The following FRYL variants were observed in gnomAD, a reference collection of about 807,000 sequenced individuals.
FRYL encodes FRY like transcription coactivator, also known as protein furry homolog-like.
Under a neutral mutation model 351.2 loss-of-function variants are expected in FRYL, and 150 were observed. The observed-to-expected ratio is 0.43, with a 90% CI of 0.37 to 0.49. FRYL has a LOEUF of 0.49. Ranked by LOEUF, FRYL falls within the 20% of genes least tolerant of loss-of-function variation. The probability of loss-of-function intolerance (pLI) is 0.00; values close to 1 mark genes in which losing one functional copy is unlikely to be tolerated. For missense variants in FRYL, 3,036 were observed against 3,619.3 expected (o/e 0.84, Z 4.13); for synonymous variants, 1,153 against 1,257.1 (o/e 0.92, Z 1.75).
At chr4:48,626,298 G>C (rs1751808116) in intron 4 of FRYL, among the ~76,000 whole-genome samples, 1 of 151,208 alleles carries the variant, frequency 6.6e-6, no homozygotes, top group African/African-American at 2.5e-5. Flanking sequence ...GTATGCATAT[G>C]TTTATATTTA....
At position 48,581,476 on chromosome 4, in the gene FRYL, C is replaced by T; in HGVS notation, c.2116G>A (p.Ala706Thr). 7 of 1,613,896 alleles carry T rather than the reference C, an allele frequency of 4.3e-6. No homozygotes were observed. Among genetic ancestry groups the T allele is most frequent in the Non-Finnish European group, 5.9e-6 (7 of 1,179,912 alleles). Residue 706 changes from alanine to threonine, a missense_variant, in exon 21 of 64, where the codon GCC (alanine) becomes ACC (threonine). By Grantham distance (58) the Ala-to-Thr change is moderately conservative. Coordinates refer to ENST00000358350, the MANE Select transcript of FRYL (RefSeq NM_015030.2). Reference protein sequence around the residue: ...CSSRPATRRLAVSVLREIRAL... With the variant: ...CSSRPATRRLTVSVLREIRAL... ...CGTATTTCTCTAAGGACACTGACGG[C>T]TAGTCTCCTAGTGGCAGGTCGACTG...
chr4:48,622,635 A>G (rs1750899244), intron 5 of FRYL, among the ~76,000 whole-genome samples: 1 of 152,180 alleles, frequency 6.6e-6, no homozygotes, highest in South Asian at 2.1e-4. Context: ...AAGCTAATTT[A>G]AATTACTGGT....
rs781592179 is a variant in FRYL at position 48,564,043 on chromosome 4, G to A, written c.3501C>T (p.Ser1167=). ...GGTCCACAGCCCAGTACATCAGGTT[G>A]CTCTGATCAGGGTTCAGCTCCAGTA... ...TLLLELNPDQ[S]NLMYWAVDRC... Residue 1167 remains serine (S), a synonymous_variant, in exon 31 of 64, where the codon AGC becomes AGT. Transcript: ENST00000358350. The A allele has an allele frequency of 1.9e-6, 3 of 1,614,168 alleles. No homozygotes were observed. In the South Asian group the frequency reaches 3.3e-5, roughly 18 times the overall value.
At chr4:48,670,894 G>A (rs1279733324) in intron 3 of FRYL, among the ~76,000 whole-genome samples, 1 of 152,172 alleles carries the variant, frequency 6.6e-6, no homozygotes, top group Admixed American at 6.5e-5. Context: ...TGTGAATAGT[G>A]CTGCAATAAA....
rs534003125 is a variant in FRYL at position 48,614,983 on chromosome 4, C to A, written c.411+4291G>T. Among the ~76,000 whole-genome samples, 3 of 151,778 alleles carry A rather than the reference C, an allele frequency of 2.0e-5. No individual in the cohort carries two copies. In the South Asian group the frequency reaches 6.2e-4, roughly 32 times the overall value. On this transcript the variant is annotated intron_variant, in intron 7 of 63. Coordinates refer to ENST00000358350, the MANE Select transcript of FRYL (RefSeq NM_015030.2). ...CTGGGACTACAGGCGCCCGCCAACA[C>A]GCCCGGCTAATTTTTTGTATTTTTA...
chr4:48,736,850 G>GAAAAAAAAAAAAAAAAAAA (rs368006420), intron 1 of FRYL, among the ~76,000 whole-genome samples: 29 of 40,570 alleles, frequency 7.1e-4, no homozygotes, highest in Non-Finnish European at 9.7e-4. Flanking sequence ...ACTCTGTCTC[G>GAAAAAAAAAAAAAAAAAAA]AAAAAAAAAA....
At chr4:48,520,075 C>T (rs1724580833) in intron 55 of FRYL, among the ~76,000 whole-genome samples, 1 of 152,170 alleles carries the variant, frequency 6.6e-6, no homozygotes, top group South Asian at 2.1e-4. Flanking sequence ...TAATAGACAG[C>T]AAGAGAACGT....
rs1052457034 is a variant in FRYL at position 48,565,709 on chromosome 4, T to C, written c.3170-18A>G. 8 of 1,599,824 alleles carry C rather than the reference T, an allele frequency of 5.0e-6. No individual in the cohort carries two copies. The African/African-American group carries it at 5.4e-5, about 11-fold the overall frequency. ...CTGGTGCACTGTGAATAAAAAAAGA[T>C]AGAAAACATTTATTTCCATTTCTTT... is the stretch of plus-strand genomic sequence containing the variant. On this transcript the variant is annotated intron_variant, in intron 28 of 63. Transcript: ENST00000358350.
chr4:48,564,110 A>G lies in FRYL; in HGVS notation c.3442-8T>C. On this transcript the variant is annotated splice_region_variant and splice_polypyrimidine_tract_variant and intron_variant, in intron 30 of 63. Transcript: ENST00000358350. ...ACAGCCCAGCTGGTGAACCTAGGTA[A>G]AGGTTGTGAAATTGCCCGAGAGAGA... 1.2e-6 allele frequency: 2 copies of G among 1,611,832 alleles called. No individual in the cohort carries two copies. The highest frequency in any genetic ancestry group is 1.7e-6 in the Non-Finnish European group (2 of 1,179,388).
At chr4:48,505,373 T>C in intron 60 of FRYL, 174 bp downstream of exon 60, 1 of 647,206 alleles carries the variant, frequency 1.5e-6, no homozygotes, top group Non-Finnish European at 2.8e-6. Context: ...GAATTTTTCA[T>C]TATGAAACCA....
chr4:48,694,989 T>G (rs936692813), intron 2 of FRYL, among the ~76,000 whole-genome samples: 1 of 152,108 alleles, frequency 6.6e-6, no homozygotes, highest in Non-Finnish European at 1.5e-5. Context: ...CTAAGCTTGG[T>G]AGGTAGAGGC....
intron 1 of FRYL, among the ~76,000 whole-genome samples, chr4:48,779,578 C>T (rs1345563657): frequency 6.6e-6 from 1 of 151,998 alleles, no homozygotes; most frequent in Admixed American, 6.5e-5. Context: ...CTCCTCAGCC[C>T]TCCCTTCCCA....
At chr4:48,677,444 T>C (rs947930616) in intron 3 of FRYL, among the ~76,000 whole-genome samples, 6 of 152,020 alleles carry the variant, frequency 3.9e-5, no homozygotes, top group African/African-American at 1.4e-4. Flanking sequence ...AGAGTCTCTC[T>C]CTGTTGCCCA....
chr4:48,522,394 TCTC>T (rs968535496), intron 54 of FRYL, among the ~76,000 whole-genome samples: 4 of 151,906 alleles, frequency 2.6e-5, no homozygotes, highest in East Asian at 1.9e-4. Flanking sequence ...CCATGTGCCT[TCTC>T]CTTCTTTACA....
In FRYL at chr4:48,553,401, G is replaced by A. The variant is rs568437859; in HGVS notation, c.4267-18C>T. On this transcript the variant is annotated intron_variant, in intron 35 of 63. Transcript: ENST00000358350. ...TTCTTCACCTGTCACAAAAGAAATC[G>A]TTCAGAAAAGAAAAAGCAAAGTTTT... is the stretch of plus-strand genomic sequence containing the variant. 8.8e-6 allele frequency: 14 copies of A among 1,584,242 alleles called. No individual in the cohort carries two copies. Among genetic ancestry groups the A allele is most frequent in the Middle Eastern group, 2.2e-4 (1 of 4,592 alleles).
intron 2 of FRYL, among the ~76,000 whole-genome samples, chr4:48,686,021 G>A (rs1350910290): frequency 6.6e-6 from 1 of 152,110 alleles, no homozygotes; most frequent in African/African-American, 2.4e-5. Context: ...GATTACAGGC[G>A]TGAGCCACCA....
At chr4:48,758,418 A>C (rs1774036211) in intron 1 of FRYL, among the ~76,000 whole-genome samples, 1 of 152,238 alleles carries the variant, frequency 6.6e-6, no homozygotes, top group African/African-American at 2.4e-5. Flanking sequence ...AAAGTGGGCA[A>C]AGGATATGAA....
chr4:48,723,970 C>CA lies in FRYL; in HGVS notation c.-383-13273dup, dbSNP rs71988957. 9.1e-3 allele frequency among the ~76,000 whole-genome samples: 1,014 copies of CA among 111,132 alleles called. 12 individuals are homozygous for CA. Among genetic ancestry groups the CA allele is most frequent in the Non-Finnish European group, 0.014 (741 of 52,088 alleles). The allele number at this position is 111,132 out of a possible 152,430, so 72.9% of individuals were successfully genotyped here. A position where few individuals can be genotyped will look rare whatever the true frequency, so the allele number is the denominator to read the frequency against. ...ATAATAATAATAATAATAATAATAACAAAAAAAATTAGGTGGGTGTGGTGG... is the reference window on the plus strand; with the variant it reads ...ATAATAATAATAATAATAATAATAACAAAAAAAAATTAGGTGGGTGTGGTGG... On this transcript the variant is annotated intron_variant, in intron 1 of 63. Coordinates refer to ENST00000358350, the MANE Select transcript of FRYL (RefSeq NM_015030.2).
At chr4:48,723,066 A>ACCTCAAACCTAGATGT (rs1769668317) in intron 1 of FRYL, among the ~76,000 whole-genome samples, 1 of 151,944 alleles carries the variant, frequency 6.6e-6, no homozygotes, top group Admixed American at 6.6e-5. Flanking sequence ...CATCTAAAGG[A>ACCTCAAACCTAGATGT]CCTCAAACCT....
Sources: allele counts gnomAD v4.1 joint callset (sites outside exome capture counted in the v4.1 genomes callset), GRCh38; gene constraint gnomAD v4.1.1; transcripts MANE v1.5; gene names NCBI Gene and HGNC (gene_info 2026-07-23, HGNC 2026-07-21).